The following HIRA variants were observed in gnomAD, a reference collection of about 807,000 sequenced individuals.
The protein encoded by HIRA is histone cell cycle regulator.
In HIRA, 13 loss-of-function variants were observed where a neutral mutation model predicts 126.6. The ratio of observed to expected loss-of-function variants is 0.10; its 90% CI spans 0.07 to 0.16. The LOEUF is 0.16. HIRA is among the 10% of genes least tolerant of loss of function. HIRA has a pLI of 1.00. For synonymous variants in HIRA, 511 were observed against 520.0 expected, an observed-to-expected ratio of 0.98 and a Z score of 0.24; for missense variants, 834 against 1,314.4, an observed-to-expected ratio of 0.63 and a Z score of 5.65.
intron 15 of HIRA, among the ~76,000 whole-genome samples, chr22:19,372,129 T>C (rs1259178922): frequency 6.6e-6 from 1 of 152,252 alleles, no homozygotes; most frequent in Admixed American, 6.5e-5. Context: ...GTTTACAGAA[T>C]AGAGTATTAA....
intron 21 of HIRA, among the ~76,000 whole-genome samples, chr22:19,355,538 G>A (rs574746058): frequency 6.6e-6 from 1 of 152,334 alleles, no homozygotes; most frequent in Admixed American, 6.5e-5. Context: ...AATGCAGGAG[G>A]ACAGTGCTCC....
chr22:19,334,068 G>GGCTGA (rs2088529220), intron 24 of HIRA, among the ~76,000 whole-genome samples: 1 of 151,296 alleles, frequency 6.6e-6, no homozygotes, highest in Non-Finnish European at 1.5e-5. Flanking sequence ...TCCGCCTCCT[G>GGCTGA]GGTTCACACC....
intron 1 of HIRA, among the ~76,000 whole-genome samples, chr22:19,412,393 G>T (rs940181204): frequency 6.6e-6 from 1 of 152,204 alleles, no homozygotes; most frequent in African/African-American, 2.4e-5. Context: ...GCAGAATTAT[G>T]AGCAAATAAT....
chr22:19,420,069 T>TGTGTGTGTGTGC (rs1491470139), intron 1 of HIRA, among the ~76,000 whole-genome samples: 4 of 145,362 alleles, frequency 2.8e-5, no homozygotes, highest in African/African-American at 1.1e-4. Context: ...TGTGTGTGTG[T>TGTGTGTGTGTGC]GCACGCGCCA....
At chr22:19,353,598 C>A (rs1556011638) in intron 22 of HIRA, 79 bp from the exon 23 acceptor site, 2 of 1,425,400 alleles carry the variant, frequency 1.4e-6, no homozygotes, top group Non-Finnish European at 1.9e-6. Context: ...GTGCAACAGG[C>A]AAGGAGCTGG....
At chr22:19,418,649 A>G (rs2089419208) in intron 1 of HIRA, among the ~76,000 whole-genome samples, 1 of 152,128 alleles carries the variant, frequency 6.6e-6, no homozygotes. Flanking sequence ...AATAAAAAAT[A>G]TATAAAAATT....
chr22:19,345,531 GT>G (rs1233719221), intron 24 of HIRA, among the ~76,000 whole-genome samples: 10 of 151,214 alleles, frequency 6.6e-5, no homozygotes, highest in Non-Finnish European at 8.9e-5. Context: ...CCCAGGACTG[GT>G]TTTTTTTTAT....
rs1235983414 is a variant in HIRA, at chr22:19,375,664, G to T, written c.1742C>A (p.Ala581Asp). The T allele has an allele frequency of 6.2e-7, 1 of 1,614,172 alleles. No homozygotes were observed. The highest frequency in any genetic ancestry group is 1.1e-5 in the South Asian group (1 of 91,090). Residue 581 changes from alanine (A) to aspartate (D), a missense_variant, in exon 15 of 25, where the codon GCC becomes GAC. Physicochemically the swap from Ala to Asp is moderately radical, Grantham distance 126 (BLOSUM62 -2). Transcript: ENST00000263208. The part of the protein sequence containing the change: ...ERSKATPGAP[A>D]LTSMTPTAVE... Reference sequence around the variant, plus strand: ...AGCTGTCGGAGTCATGCTGGTCAGGGCAGGAGCACCTGGTGTGGCTTTGGA... The same window carrying T: ...AGCTGTCGGAGTCATGCTGGTCAGGTCAGGAGCACCTGGTGTGGCTTTGGA...
chr22:19,412,700 G>A (rs552222333), intron 1 of HIRA, among the ~76,000 whole-genome samples: 1 of 152,236 alleles, frequency 6.6e-6, no homozygotes, highest in East Asian at 1.9e-4. Flanking sequence ...GACTACCCAA[G>A]AGCACGTACA....
At chr22:19,335,257 T>C (rs2088552225) in intron 24 of HIRA, among the ~76,000 whole-genome samples, 1 of 152,192 alleles carries the variant, frequency 6.6e-6, no homozygotes, top group Non-Finnish European at 1.5e-5. Flanking sequence ...CTTTTTTTTT[T>C]TTTGAGACAG....
chr22:19,423,069 T>C (rs542781778), intron 1 of HIRA, among the ~76,000 whole-genome samples: 4 of 152,254 alleles, frequency 2.6e-5, no homozygotes, highest in Admixed American at 2.0e-4. Flanking sequence ...ACTCCTTCAA[T>C]GGTGTGGATC....
chr22:19,381,772 T>C (rs1000974179), intron 13 of HIRA, among the ~76,000 whole-genome samples: 4 of 152,212 alleles, frequency 2.6e-5, no homozygotes, highest in African/African-American at 4.8e-5. Flanking sequence ...TATATTATGT[T>C]CATTTCAAAA....
chr22:19,361,982 A>C (rs761329229), intron 15 of HIRA, 51 bp from the exon 16 acceptor site: 6 of 1,564,982 alleles, frequency 3.8e-6, no homozygotes, highest in Non-Finnish European at 5.3e-6. Flanking sequence ...TTCATGCAAG[A>C]AAGAGTGAAG....
intron 9 of HIRA, among the ~76,000 whole-genome samples, chr22:19,390,952 AT>A (rs777255881): frequency 6.9e-6 from 1 of 144,650 alleles, no homozygotes; most frequent in East Asian, 2.0e-4. Context: ...ACTTGGTACT[AT>A]TTTTTTGTTT....
At chr22:19,345,864 C>T (rs1038040643) in intron 24 of HIRA, among the ~76,000 whole-genome samples, 31 of 152,144 alleles carry the variant, frequency 2.0e-4, no homozygotes, top group African/African-American at 7.2e-4. Flanking sequence ...TCTCATTTTC[C>T]TCCCATGCAC....
At position 19,422,223 on chromosome 22, in the gene HIRA, TTACATA is replaced by T. The variant is rs1208439875; in HGVS notation, c.37+9211_37+9216del. ...ACATATATATATATACATATATATA[TTACATA>T]TACATATAAACACATATATACATGT... On this transcript the variant is annotated intron_variant, in intron 1 of 24. Coordinates refer to ENST00000263208, the MANE Select transcript of HIRA (RefSeq NM_003325.4). 2.3e-5 allele frequency among the ~76,000 whole-genome samples: 3 copies of T among 129,182 alleles called. No individual in the cohort carries two copies. In the East Asian group the frequency reaches 6.7e-4, roughly 29 times the overall value. The allele number at this position is 129,182 out of a possible 152,430, so 84.7% of individuals were successfully genotyped here.
chr22:19,343,763 C>CA (rs1430527305), intron 24 of HIRA, among the ~76,000 whole-genome samples: 1 of 150,624 alleles, frequency 6.6e-6, no homozygotes, highest in Non-Finnish European at 1.5e-5. Context: ...CCCATCTCTA[C>CA]AAAAGATACA....
At chr22:19,372,763 G>T (rs1447961118) in intron 15 of HIRA, among the ~76,000 whole-genome samples, 1 of 151,954 alleles carries the variant, frequency 6.6e-6, no homozygotes, top group East Asian at 1.9e-4. Flanking sequence ...GTAGAGATGG[G>T]GTTTCGCCAT....
At chr22:19,411,268 T>C (rs894088716) in intron 1 of HIRA, among the ~76,000 whole-genome samples, 5 of 152,240 alleles carry the variant, frequency 3.3e-5, no homozygotes, top group African/African-American at 1.2e-4. Flanking sequence ...CCGTCTGCCA[T>C]CTCAGCATCT....
Sources: gnomAD v4.1 joint callset for allele counts (sites outside exome capture counted in the v4.1 genomes callset) on GRCh38, gnomAD v4.1.1 for gene constraint, MANE v1.5 for transcripts, NCBI Gene and HGNC (gene_info 2026-07-23, HGNC 2026-07-21) for gene names.